Variants in URB1 observed in about 807,000 individuals in gnomAD.
URB1 encodes the protein URB1 ribosome biogenesis factor.
URB1 carries 197 observed loss-of-function variants against 242.3 expected under a neutral mutation model. The observed-to-expected ratio is 0.81, with a 90% CI of 0.72 to 0.91. The LOEUF (loss-of-function observed/expected upper bound fraction) is 0.91, where lower values mean the gene tolerates loss of function less well. Among genes scored for constraint, URB1 ranks in the 40% least tolerant of loss-of-function variants. The probability of loss-of-function intolerance (pLI) is 0.00; values close to 1 mark genes in which losing one functional copy is unlikely to be tolerated. For missense variants in URB1, 2,721 were observed against 2,860.5 expected (o/e 0.95, Z 1.11); for synonymous variants, 1,153 against 1,201.8 (o/e 0.96, Z 0.84).
At chr21:32,391,903 A>G (rs77660391) in intron 1 of URB1, among the ~76,000 whole-genome samples, 2,090 of 151,968 alleles carry the variant, frequency 0.014, 38 homozygotes, top group African/African-American at 0.048. Flanking sequence ...GTGCACCTAC[A>G]ATCTCAGCTA....
chr21:32,333,747 G>A (rs1216483795), intron 29 of URB1, among the ~76,000 whole-genome samples: 1 of 152,138 alleles, frequency 6.6e-6, no homozygotes, highest in Non-Finnish European at 1.5e-5. Context: ...TTCAAATTTT[G>A]GAACATTTCA....
intron 32 of URB1, among the ~76,000 whole-genome samples, chr21:32,323,320 A>G (rs777921501): frequency 6.6e-6 from 1 of 152,208 alleles, no homozygotes; most frequent in Non-Finnish European, 1.5e-5. Flanking sequence ...GGGCCTTGAC[A>G]AGCTATCTAC....
At chr21:32,389,238 G>A (rs2146059486) in intron 1 of URB1, among the ~76,000 whole-genome samples, 1 of 152,302 alleles carries the variant, frequency 6.6e-6, no homozygotes, top group East Asian at 1.9e-4. Context: ...AGGGTACACT[G>A]GAGCCAGGTG....
chr21:32,328,671 G>A (rs1300290423), intron 30 of URB1, among the ~76,000 whole-genome samples: 1 of 152,180 alleles, frequency 6.6e-6, no homozygotes, highest in African/African-American at 2.4e-5. Context: ...ATACTCAGCT[G>A]GCTGGGATAT....
rs990492375 is a variant in URB1 at position 32,347,289 on chromosome 21, C to T, written c.3535G>A (p.Glu1179Lys). The change falls in exon 22 of 39, where the codon GAG (glutamate) becomes AAG (lysine). Residue 1179 changes from glutamate to lysine, a missense_variant. Transcript: ENST00000382751. ...LQSGELLWSS[E>K]YVRGLGALLP... ...AGAGCCCCCAGGCCTCTCACATACT[C>T]GGAGGACCACAGGAGCTCACCACTC... 4 of 1,551,040 alleles carry T rather than the reference C, an allele frequency of 2.6e-6. No homozygotes were observed. The highest frequency in any genetic ancestry group is 3.9e-5 in the Admixed American group (2 of 50,984).
chr21:32,381,557 A>G (rs2033527545), intron 4 of URB1, among the ~76,000 whole-genome samples: 1 of 152,218 alleles, frequency 6.6e-6, no homozygotes, highest in Non-Finnish European at 1.5e-5. Context: ...AAACATATCA[A>G]CCAAATGCAA....
chr21:32,347,047 G>C lies in URB1; in HGVS notation c.3777C>G (p.Leu1259=). The C allele has an allele frequency of 1.3e-6, 2 of 1,549,856 alleles. No individual in the cohort carries two copies. Among genetic ancestry groups the C allele is most frequent in the Non-Finnish European group, 1.7e-6 (2 of 1,146,012 alleles). ...AGTCGTCCAGGTCCCCCTGGAGGCC[G>C]AGCCCTGGGCCAGCCTGCAGGCACC... The part of the protein sequence containing the change: ...EQWCLQAGPG[L]GLQGDLDDFL... Residue 1259 remains leucine (L), a synonymous_variant, in exon 22 of 39, where the codon CTC becomes CTG. Coordinates refer to ENST00000382751, the MANE Select transcript of URB1 (RefSeq NM_014825.3).
chr21:32,334,460 G>A (rs1020065337), intron 28 of URB1, 126 bp from the exon 29 acceptor site: 51 of 1,119,584 alleles, frequency 4.6e-5, no homozygotes, highest in African/African-American at 1.3e-4. Flanking sequence ...CTGAGCATGC[G>A]ACGTGTTATA....
chr21:32,360,483 A>T (rs934688259), intron 13 of URB1, among the ~76,000 whole-genome samples: 1 of 152,226 alleles, frequency 6.6e-6, no homozygotes, highest in Non-Finnish European at 1.5e-5. Flanking sequence ...TCCAAGAATG[A>T]TATTTTTGCA....
intron 4 of URB1, among the ~76,000 whole-genome samples, chr21:32,380,353 C>T (rs1444475559): frequency 6.6e-6 from 1 of 152,182 alleles, no homozygotes; most frequent in Non-Finnish European, 1.5e-5. Flanking sequence ...GACCTTATTA[C>T]ACCAATGTGA....
chr21:32,356,781 C>A (rs2033226089), intron 15 of URB1, among the ~76,000 whole-genome samples: 2 of 152,204 alleles, frequency 1.3e-5, no homozygotes, highest in South Asian at 4.1e-4. Context: ...ACAGCATGCA[C>A]CAAAGGAAAG....
rs911752448 is a variant in URB1 at position 32,366,677 on chromosome 21, C to T, written c.1276G>A (p.Val426Met). 8.4e-6 allele frequency: 13 copies of T among 1,551,396 alleles called. No individual in the cohort carries two copies. Among genetic ancestry groups the T allele is most frequent in the Non-Finnish European group, 1.1e-5 (13 of 1,146,848 alleles). Residue 426 changes from valine to methionine, a missense_variant, in exon 10 of 39, where the codon GTG becomes ATG. Transcript: ENST00000382751. ...FIPLPRLLAM[V>M]MVTTVPLVCN... Reference sequence around the variant, plus strand: ...ACCAGGGGCACGGTGGTCACCATCACCATTGCCAGGAGCCGAGGCAAGGGT... The same window carrying T: ...ACCAGGGGCACGGTGGTCACCATCATCATTGCCAGGAGCCGAGGCAAGGGT...
chr21:32,368,238 T>C (rs1315078743), intron 9 of URB1, among the ~76,000 whole-genome samples, 165 bp downstream of exon 9: 9 of 149,792 alleles, frequency 6.0e-5, no homozygotes. Flanking sequence ...CAGTTAATTT[T>C]TGTATTTTTA....
Position 32,312,016 on chromosome 21 carries a change from T to C in URB1, c.*2902A>G. The C allele has an allele frequency of 4.3e-6, 7 of 1,612,746 alleles. No individual in the cohort carries two copies. Among genetic ancestry groups the C allele is most frequent in the East Asian group, 4.5e-5 (2 of 44,874 alleles). On this transcript the variant is annotated 3_prime_UTR_variant, in exon 39 of 39. Transcript: ENST00000382751. ...AGCTGATGTCAGTAAATCGTGGCCA[T>C]AGCTGAGTGAACTGGTGAAATCAAG...
chr21:32,349,558 CGT>C (rs1451177315), intron 20 of URB1, 75 bp from the exon 21 acceptor site: 7 of 1,432,646 alleles, frequency 4.9e-6, no homozygotes, highest in Non-Finnish European at 6.4e-6. Flanking sequence ...TTCCAGGGCC[CGT>C]GTTTTCAGAG....
chr21:32,347,584 G>T lies in URB1; in HGVS notation c.3240C>A (p.Thr1080=). ...GLLARYSEAI[T]QSVLKELQNR... ...TCTGAAGTTCCTTCAGCACACTCTG[G>T]GTGATGGCCTCTGAGTACCTGGCCA... Residue 1080 remains threonine, a synonymous_variant, in exon 22 of 39, where the codon ACC becomes ACA. Transcript: ENST00000382751. The T allele has an allele frequency of 6.4e-7, 1 of 1,551,588 alleles. No individual in the cohort carries two copies. The highest frequency in any genetic ancestry group is 2.0e-5 in the Admixed American group (1 of 51,000).
At position 32,312,343 on chromosome 21, in the gene URB1, G is replaced by A. The variant is rs768759503; in HGVS notation, c.*2575C>T. The A allele has an allele frequency of 6.6e-6, 8 of 1,211,000 alleles. No homozygotes were observed. Among genetic ancestry groups the A allele is most frequent in the Admixed American group, 3.5e-5 (1 of 28,266 alleles). 75.0% of individuals were successfully genotyped at this position (1,211,000 alleles called of 1,614,324 possible). A position where few individuals can be genotyped will look rare whatever the true frequency, so the allele number is the denominator to read the frequency against. On this transcript the variant is annotated 3_prime_UTR_variant, in exon 39 of 39. Coordinates refer to ENST00000382751, the MANE Select transcript of URB1 (RefSeq NM_014825.3). ...CCACTTTACCATTACTGTGTAATGC[G>A]TTATCAGCCCTGAGTTCACCTGGTC... is the stretch of plus-strand genomic sequence containing the variant.
intron 5 of URB1, 39 bp from the exon 6 acceptor site, chr21:32,375,522 T>C: frequency 1.6e-6 from 2 of 1,261,802 alleles, no homozygotes; most frequent in Non-Finnish European, 2.2e-6. Flanking sequence ...TTCAAAAATA[T>C]TTTGAAAATG....
chr21:32,319,087 A>G, intron 36 of URB1, 130 bp downstream of exon 36: 1 of 848,112 alleles, frequency 1.2e-6, no homozygotes, highest in Non-Finnish European at 1.8e-6. Context: ...GCTCTGCCCC[A>G]ATCCACAGCA....
Sources: gnomAD v4.1 joint callset for allele counts (sites outside exome capture counted in the v4.1 genomes callset) on GRCh38, gnomAD v4.1.1 for gene constraint, MANE v1.5 for transcripts, NCBI Gene and HGNC (gene_info 2026-07-23, HGNC 2026-07-21) for gene names.